The following HTR2C variants were observed in gnomAD, a reference collection of about 807,000 sequenced individuals.
HTR2C encodes the protein 5-hydroxytryptamine receptor 2C, also known as 5-hydroxytryptamine (serotonin) receptor 2C, G protein-coupled.
A neutral mutation model predicts 21.0 loss-of-function variants in HTR2C; 5 were observed. That is an observed-to-expected ratio of 0.24 (90% CI 0.12 to 0.50). HTR2C has a LOEUF of 0.50. Among genes scored for constraint, HTR2C ranks in the 20% least tolerant of loss-of-function variants. HTR2C has a pLI of 0.98. For missense variants in HTR2C, 271 were observed against 371.2 expected, an observed-to-expected ratio of 0.73 and a Z score of 2.22; for synonymous variants, 150 against 145.3, an observed-to-expected ratio of 1.03 and a Z score of -0.23.
At chrX:114,891,160 G>A (rs782458071) in intron 5 of HTR2C, among the ~76,000 whole-genome samples, 5 of 110,692 alleles carry the variant, frequency 4.5e-5, no homozygotes, top group African/African-American at 6.6e-5. Flanking sequence ...GTGTCATTTC[G>A]TTATTGATAT....
At chrX:114,841,751 A>G (rs1433908746) in intron 4 of HTR2C, among the ~76,000 whole-genome samples, 1 of 111,377 alleles carries the variant, frequency 9.0e-6, no homozygotes, top group East Asian at 2.8e-4. Flanking sequence ...AAAAAAAAAA[A>G]AAAATTTTAC....
intron 2 of HTR2C, among the ~76,000 whole-genome samples, chrX:114,629,032 TAGTCACA>T (rs1556403596): frequency 5.4e-5 from 6 of 112,149 alleles, no homozygotes; most frequent in Admixed American, 9.5e-5. Context: ...AATAAACAAC[TAGTCACA>T]TGTTATTTTT....
intron 4 of HTR2C, among the ~76,000 whole-genome samples, chrX:114,835,817 T>G (rs2070776425): frequency 9.0e-6 from 1 of 110,761 alleles, no homozygotes; most frequent in South Asian, 3.9e-4. Flanking sequence ...CTGTTCTGTT[T>G]TTTCCCCATC....
intron 2 of HTR2C, among the ~76,000 whole-genome samples, chrX:114,670,941 A>G (rs782540015): frequency 8.9e-6 from 1 of 112,114 alleles, no homozygotes; most frequent in Admixed American, 9.5e-5. Context: ...CTTAAAGTTC[A>G]TTCGTATTTA....
chrX:114,741,880 CT>C (rs199894312), intron 4 of HTR2C, among the ~76,000 whole-genome samples: 1 of 110,152 alleles, frequency 9.1e-6, no homozygotes, highest in Non-Finnish European at 1.9e-5. Context: ...ATGAGGTTCC[CT>C]TTTTTTTTCC....
intron 2 of HTR2C, among the ~76,000 whole-genome samples, chrX:114,710,828 C>T (rs1314555968): frequency 9.0e-6 from 1 of 111,020 alleles, no homozygotes; most frequent in Admixed American, 9.7e-5. Flanking sequence ...AAGTCCTCTG[C>T]TAATAGCTTC....
intron 5 of HTR2C, among the ~76,000 whole-genome samples, chrX:114,862,025 C>T (rs1203581711): frequency 1.8e-5 from 2 of 110,761 alleles, no homozygotes; most frequent in African/African-American, 6.5e-5. Flanking sequence ...GTAGCCTGCA[C>T]TTTTGACATG....
intron 1 of HTR2C, among the ~76,000 whole-genome samples, chrX:114,595,715 C>T (rs920124801): frequency 1.4e-4 from 16 of 111,021 alleles, no homozygotes; most frequent in African/African-American, 5.2e-4. Context: ...ATGATAAATA[C>T]TTGGTTTTCT....
At chrX:114,675,153 A>G (rs1246014050) in intron 2 of HTR2C, among the ~76,000 whole-genome samples, 2 of 112,015 alleles carry the variant, frequency 1.8e-5, no homozygotes, top group East Asian at 5.6e-4. Context: ...CATAATTATA[A>G]GACAACTGTC....
At chrX:114,706,567 G>A (rs1932773058) in intron 2 of HTR2C, among the ~76,000 whole-genome samples, 1 of 70,556 alleles carries the variant, frequency 1.4e-5, no homozygotes, top group Non-Finnish European at 2.6e-5. Flanking sequence ...TGGTGGGGTG[G>A]GGGGAGGGGG....
At chrX:114,786,063 C>A (rs2070171499) in intron 4 of HTR2C, among the ~76,000 whole-genome samples, 1 of 111,834 alleles carries the variant, frequency 8.9e-6, no homozygotes, top group Non-Finnish European at 1.9e-5. Context: ...TGCAAGTGGA[C>A]AATTAATATT....
intron 1 of HTR2C, among the ~76,000 whole-genome samples, chrX:114,602,685 G>A (rs148684456): frequency 0.012 from 564 of 46,798 alleles, 10 homozygotes; most frequent in African/African-American, 0.036. Flanking sequence ...CAGAAGGGAA[G>A]AAATGACTGT....
In HTR2C at chrX:114,807,456, ACGC is replaced by A. The variant is rs1261750782; in HGVS notation, c.350-40545_350-40543del. On this transcript the variant is annotated intron_variant, in intron 4 of 5. Transcript: ENST00000276198. ...TACGCCATATATATACCATATATAT[ACGC>A]CATATATATATACCATATATATACA... is the stretch of plus-strand genomic sequence containing the variant. Among the ~76,000 whole-genome samples, 4 of 26,896 alleles carry A rather than the reference ACGC, an allele frequency of 1.5e-4. No individual in the cohort carries two copies. The East Asian group carries it at 0.063, about 427-fold the overall frequency. 23.4% of individuals were successfully genotyped at this position (26,896 alleles called of 115,157 possible).
At position 114,643,536 on chromosome X, in the gene HTR2C, A is replaced by G. The variant is rs1930218090; in HGVS notation, c.-80+29655A>G. On this transcript the variant is annotated intron_variant, in intron 2 of 5. Transcript: ENST00000276198. Reference sequence around the variant, plus strand: ...TAACCTGGGCAGTATGGGGATAGTAACAGGGTGGGAAAGAGTCTTTGAGCT... The same window carrying G: ...TAACCTGGGCAGTATGGGGATAGTAGCAGGGTGGGAAAGAGTCTTTGAGCT... 2.7e-5 allele frequency among the ~76,000 whole-genome samples: 3 copies of G among 111,166 alleles called. No homozygotes were observed. In the South Asian group the frequency reaches 1.2e-3, roughly 43 times the overall value.
chrX:114,660,076 G>A (rs981443919), intron 2 of HTR2C, among the ~76,000 whole-genome samples: 2 of 111,867 alleles, frequency 1.8e-5, no homozygotes. Flanking sequence ...TAGTAAAATC[G>A]GTGTATCTAT....
At chrX:114,599,589 C>T (rs1333840989) in intron 1 of HTR2C, among the ~76,000 whole-genome samples, 1 of 111,617 alleles carries the variant, frequency 9.0e-6, no homozygotes, top group Non-Finnish European at 1.9e-5. Context: ...AAGATGAAAT[C>T]ATAACATGAA....
At chrX:114,603,384 G>A (rs1556395555) in intron 1 of HTR2C, among the ~76,000 whole-genome samples, 2 of 109,558 alleles carry the variant, frequency 1.8e-5, no homozygotes, top group African/African-American at 6.7e-5. Flanking sequence ...AGCAGCCGCT[G>A]CATGCAGACA....
At chrX:114,787,123 A>C (rs2070183217) in intron 4 of HTR2C, among the ~76,000 whole-genome samples, 1 of 111,697 alleles carries the variant, frequency 9.0e-6, no homozygotes, top group South Asian at 3.7e-4. Context: ...TCCAAATTCA[A>C]AGACCCAGAC....
At chrX:114,646,343 G>A (rs1442556138) in intron 2 of HTR2C, among the ~76,000 whole-genome samples, 5 of 111,607 alleles carry the variant, frequency 4.5e-5, no homozygotes, top group African/African-American at 1.6e-4. Context: ...TCAGACCTAT[G>A]ATAAATATAA....
Sources: gnomAD v4.1 joint callset for allele counts (sites outside exome capture counted in the v4.1 genomes callset) on GRCh38, gnomAD v4.1.1 for gene constraint, MANE v1.5 for transcripts, NCBI Gene and HGNC (gene_info 2026-07-23, HGNC 2026-07-21) for gene names.